ZBTB45: variants seen among roughly 807,000 people sequenced by gnomAD.
ZBTB45 encodes the protein zinc finger and BTB domain containing 45.
ZBTB45 carries 22 observed loss-of-function variants against 28.4 expected under a neutral mutation model. The observed-to-expected ratio is 0.77, with a 90% CI of 0.55 to 1.10. The LOEUF is 1.10. Among genes scored for constraint, ZBTB45 ranks in the 50% least tolerant of loss-of-function variants. The pLI is 0.00. For synonymous variants in ZBTB45, 361 were observed against 332.3 expected, an observed-to-expected ratio of 1.09 and a Z score of -0.94; for missense variants, 656 against 750.2, an observed-to-expected ratio of 0.87 and a Z score of 1.47.
At chr19:58,521,367 A>C (rs1223572393), upstream of ZBTB45, among the ~76,000 whole-genome samples, 5 of 78,924 alleles carry the variant, frequency 6.3e-5, no homozygotes, top group African/African-American at 1.6e-4. Flanking sequence ...ACTCAGTCTC[A>C]AAAAAAAAAA....
chr19:58,525,073 G>T (rs2053600734), intron 1 of ZBTB45, among the ~76,000 whole-genome samples: 1 of 152,122 alleles, frequency 6.6e-6, no homozygotes, highest in African/African-American at 2.4e-5. Context: ...ATGGGTCAGA[G>T]AACAGACAGC....
rs2053451296 is a variant in ZBTB45, at chr19:58,514,013, G to A, written c.*41C>T. ...AGCGGGCGTGGCCGACTGTGCGGGA[G>A]GCCCCGGATCCACCGTGGGCGAGGC... On this transcript the variant is annotated 3_prime_UTR_variant, in exon 3 of 3. Transcript: ENST00000594051. The A allele has an allele frequency of 7.3e-7, 1 of 1,369,370 alleles. No individual in the cohort carries two copies. The highest frequency in any genetic ancestry group is 9.4e-7 in the Non-Finnish European group (1 of 1,067,668). 84.8% of individuals were successfully genotyped at this position (1,369,370 alleles called of 1,614,324 possible).
At chr19:58,534,496 TCTC>T (rs768059401) in intron 1 of ZBTB45, among the ~76,000 whole-genome samples, 9 of 151,680 alleles carry the variant, frequency 5.9e-5, no homozygotes, top group Non-Finnish European at 1.2e-4. Context: ...TTCAAGCAAT[TCTC>T]CTGCCTCAGC....
chr19:58,526,822 C>T (rs1157381591), intron 1 of ZBTB45, among the ~76,000 whole-genome samples: 4 of 151,846 alleles, frequency 2.6e-5, no homozygotes, highest in East Asian at 1.9e-4. Flanking sequence ...TGAGCCACCG[C>T]GCCCGGCCTA....
At chr19:58,519,918 G>A (rs886176727), upstream of ZBTB45, 12 of 152,332 alleles carry the variant, frequency 7.9e-5, no homozygotes, top group African/African-American at 2.4e-5. Flanking sequence ...GCTCCCGCCA[G>A]TCTGCACTCC....
rs1360936137 is a variant in ZBTB45 at position 58,513,775 on chromosome 19, C to A, written c.*279G>T. On this transcript the variant is annotated 3_prime_UTR_variant, in exon 3 of 3. Coordinates refer to ENST00000594051, the MANE Select transcript of ZBTB45 (RefSeq NM_001316979.2). Reference sequence around the variant, plus strand: ...AGTCAAATCTTGGGCCGGGTCCAAGCGCCTGAGCGCCCGGTTTACGCAGGA... The same window carrying A: ...AGTCAAATCTTGGGCCGGGTCCAAGAGCCTGAGCGCCCGGTTTACGCAGGA... The A allele has an allele frequency of 2.2e-5, 8 of 368,340 alleles. No individual in the cohort carries two copies. Among genetic ancestry groups the A allele is most frequent in the Non-Finnish European group, 3.8e-5 (8 of 208,944 alleles). 22.8% of individuals were successfully genotyped at this position (368,340 alleles called of 1,614,324 possible). A position where few individuals can be genotyped will look rare whatever the true frequency, so the allele number is the denominator to read the frequency against.
At chr19:58,521,986 G>A (rs2053581281), upstream of ZBTB45, among the ~76,000 whole-genome samples, 1 of 152,026 alleles carries the variant, frequency 6.6e-6, no homozygotes, top group Non-Finnish European at 1.5e-5. Flanking sequence ...GTATTTGGAG[G>A]TCAGGGGGAG....
In ZBTB45 at chr19:58,516,578, G is replaced by A. The variant is rs1354352830; in HGVS notation, c.1096C>T (p.Pro366Ser). The A allele has an allele frequency of 3.8e-6, 6 of 1,586,258 alleles. No individual in the cohort carries two copies. The highest frequency in any genetic ancestry group is 5.1e-6 in the Non-Finnish European group (6 of 1,165,990). Reference sequence around the variant, plus strand: ...AGCTGAGTACTGGGGGCTGCCTCGGGCTGGAGTGTGGGGTAGAAGGCGGGT... The same window carrying A: ...AGCTGAGTACTGGGGGCTGCCTCGGACTGGAGTGTGGGGTAGAAGGCGGGT... ...PPPAFYPTLQPEAAPSTQLGE... is the reference protein window; with the variant it reads ...PPPAFYPTLQSEAAPSTQLGE... Residue 366 changes from proline (P) to serine (S), a missense_variant, in exon 2 of 3, where the codon CCC (proline) becomes TCC (serine). Pro to Ser is a moderately conservative substitution (Grantham distance 74). This residue lies in a region of ZBTB45 where 448 missense variants were observed against 444.3 expected (regional missense o/e 1.01). Coordinates refer to ENST00000594051, the MANE Select transcript of ZBTB45 (RefSeq NM_001316979.2). This position sits in a 1 kb window ranked among gnomAD's most constrained non-coding sequence, Gnocchi z 6.2.
intron 1 of ZBTB45, among the ~76,000 whole-genome samples, chr19:58,518,193 G>A (rs2053540279): frequency 6.6e-6 from 1 of 152,144 alleles, no homozygotes; most frequent in East Asian, 1.9e-4. Flanking sequence ...AGCTCCTTTT[G>A]GTTTCCTTTA....
upstream of ZBTB45, among the ~76,000 whole-genome samples, chr19:58,522,590 G>A (rs780787453): frequency 1.3e-5 from 2 of 151,984 alleles, no homozygotes; most frequent in Non-Finnish European, 2.9e-5. Context: ...AGCTGAGATC[G>A]TACCATTGCA....
chr19:58,538,003 A>G (rs1227555350), intron 1 of ZBTB45, among the ~76,000 whole-genome samples: 2 of 151,568 alleles, frequency 1.3e-5, no homozygotes, highest in East Asian at 1.9e-4. Context: ...ACGCCCGGCT[A>G]ATTTTTGTAT....
upstream of ZBTB45, among the ~76,000 whole-genome samples, chr19:58,524,046 C>G (rs1010816092): frequency 7.6e-6 from 1 of 131,106 alleles, no homozygotes; most frequent in Non-Finnish European, 1.6e-5. Flanking sequence ...TGCACTCCAG[C>G]CTGGGAGACT....
rs540107286 is a variant in ZBTB45 at position 58,526,796 on chromosome 19, G to A, written c.1-9123C>T. On this transcript the variant is annotated intron_variant, in intron 1 of 1. Coordinates refer to the ZBTB45 transcript ENST00000600130. The stretch of plus-strand genomic sequence containing the variant: ...TCCGCCCGCCTCGGCCTCCCAAAGT[G>A]CTGGGATTACAGGCGTGAGCCACCG... 7.1e-3 allele frequency among the ~76,000 whole-genome samples: 1,072 copies of A among 151,626 alleles called. 7 individuals carry two copies. The highest frequency in any genetic ancestry group is 0.011 in the Admixed American group (163 of 15,194).
intron 1 of ZBTB45, among the ~76,000 whole-genome samples, chr19:58,529,333 C>T (rs2053624495): frequency 6.6e-6 from 1 of 152,176 alleles, no homozygotes; most frequent in African/African-American, 2.4e-5. Flanking sequence ...CCCAGCTATG[C>T]TGGAGGCTGA....
At position 58,516,589 on chromosome 19, in the gene ZBTB45, G is replaced by A; in HGVS notation, c.1085C>T (p.Pro362Leu). ...PAPAPPPAFYPTLQPEAAPST... is the reference protein window; with the variant it reads ...PAPAPPPAFYLTLQPEAAPST... ...GGGGGCTGCCTCGGGCTGGAGTGTG[G>A]GGTAGAAGGCGGGTGGGGGCGCAGG... Residue 362 changes from proline (P) to leucine (L), a missense_variant, in exon 2 of 3, where the codon CCC becomes CTC. Physicochemically the swap from Pro to Leu is moderately conservative, Grantham distance 98. Transcript: ENST00000594051. The surrounding 1 kb of genome is among the most constrained non-coding windows in gnomAD (Gnocchi z 6.2). The A allele has an allele frequency of 6.3e-7, 1 of 1,575,924 alleles. No homozygotes were observed. Among genetic ancestry groups the A allele is most frequent in the Non-Finnish European group, 8.6e-7 (1 of 1,160,870 alleles).
In ZBTB45 at chr19:58,515,758, C is replaced by T. The variant is rs2053483790; in HGVS notation, c.1279+637G>A. Among the ~76,000 whole-genome samples the T allele has an allele frequency of 6.6e-6, 1 of 152,184 alleles. No individual in the cohort carries two copies. Among genetic ancestry groups the T allele is most frequent in the South Asian group, 2.1e-4 (1 of 4,832 alleles). ...CAGGGAGCATCCTCACCACATTCCC[C>T]AGTACCACCCTCCCACTCTTTACCT... On this transcript the variant is annotated intron_variant, in intron 2 of 2. Transcript: ENST00000594051. The surrounding 1 kb of genome is among the most constrained non-coding windows in gnomAD (Gnocchi z 4.7).
chr19:58,535,424 C>T (rs2053655319), intron 1 of ZBTB45, among the ~76,000 whole-genome samples: 1 of 151,912 alleles, frequency 6.6e-6, no homozygotes, highest in African/African-American at 2.4e-5. Flanking sequence ...CACCTGAGAT[C>T]AGGAGTTTGA....
chr19:58,521,074 AAAAAAAAAG>A (rs1415136600), upstream of ZBTB45, among the ~76,000 whole-genome samples: 20 of 140,614 alleles, frequency 1.4e-4, no homozygotes, highest in African/African-American at 5.0e-4. Context: ...AAAAAAAAAA[AAAAAAAAAG>A]GCCGGGCGCG....
intron 1 of ZBTB45, among the ~76,000 whole-genome samples, chr19:58,526,537 T>A (rs1184496267): frequency 0.24 from 17,761 of 74,010 alleles, 1,691 homozygotes; most frequent in African/African-American, 0.34. Flanking sequence ...TTTTTTTTTT[T>A]TTTTTTTTTT....
Sources: gnomAD v4.1 joint callset for allele counts (sites outside exome capture counted in the v4.1 genomes callset) on GRCh38, gnomAD v4.1.1 for gene constraint, gnomAD v4.1.1 regional missense constraint, Gnocchi (gnomAD v3.1) non-coding constraint, MANE v1.5 for transcripts, NCBI Gene and HGNC (gene_info 2026-07-23, HGNC 2026-07-21) for gene names.